NKAIN3: variants seen among roughly 807,000 people sequenced by gnomAD.
NKAIN3 encodes the protein sodium/potassium-transporting ATPase subunit beta-1-interacting protein 3.
A neutral mutation model predicts 30.2 loss-of-function variants in NKAIN3; 25 were observed. The observed-to-expected ratio is 0.83, with a 90% CI of 0.60 to 1.16. The LOEUF is 1.16. Among genes scored for constraint, NKAIN3 ranks in the 50% most tolerant of loss-of-function variants. The probability of loss-of-function intolerance (pLI) is 0.00; values close to 1 mark genes in which losing one functional copy is unlikely to be tolerated. For synonymous variants in NKAIN3, 91 were observed against 89.6 expected, an observed-to-expected ratio of 1.02 and a Z score of -0.09; for missense variants, 225 against 254.1, an observed-to-expected ratio of 0.89 and a Z score of 0.78.
Position 62,979,594 on chromosome 8 carries a change from A to G in NKAIN3, c.*14187A>G, listed in dbSNP as rs1824027942. On this transcript the variant is annotated 3_prime_UTR_variant, in exon 7 of 7. Coordinates refer to ENST00000623646, the MANE Select transcript of NKAIN3 (RefSeq NM_001304533.3). ...TCTAATACGATGTGGCATTTTCTCT[A>G]TACAGTACAGTTTTAGCATTGAAAA... 1 of 152,206 alleles carries G rather than the reference A, an allele frequency of 6.6e-6. No individual in the cohort carries two copies. The allele number at this position is 152,206 out of a possible 1,614,324, so 9.4% of individuals were successfully genotyped here. A position where few individuals can be genotyped will look rare whatever the true frequency, so the allele number is the denominator to read the frequency against.
chr8:62,488,076 T>C (rs968730233), intron 1 of NKAIN3, among the ~76,000 whole-genome samples: 4 of 152,238 alleles, frequency 2.6e-5, no homozygotes, highest in Middle Eastern at 3.2e-3. Context: ...AATTAGACAT[T>C]GCATCTTTAA....
intron 4 of NKAIN3, among the ~76,000 whole-genome samples, chr8:62,878,141 A>T (rs1199212350): frequency 6.6e-6 from 1 of 151,918 alleles, no homozygotes; most frequent in African/African-American, 2.4e-5. Flanking sequence ...CAATCTTCTC[A>T]TTTTCTTCAG....
At chr8:62,819,022 T>C (rs970838547) in intron 4 of NKAIN3, among the ~76,000 whole-genome samples, 7 of 151,552 alleles carry the variant, frequency 4.6e-5, no homozygotes, top group African/African-American at 1.7e-4. Flanking sequence ...TCAAAGAAAT[T>C]TGAAAACAAA....
chr8:62,454,211 T>C (rs1209363080), intron 1 of NKAIN3, among the ~76,000 whole-genome samples: 1 of 146,284 alleles, frequency 6.8e-6, no homozygotes, highest in East Asian at 2.0e-4. Flanking sequence ...ACCAAAAGGG[T>C]CCAATCTTTC....
At chr8:62,447,643 C>A (rs1805525557) in intron 1 of NKAIN3, among the ~76,000 whole-genome samples, 1 of 151,930 alleles carries the variant, frequency 6.6e-6, no homozygotes, top group South Asian at 2.1e-4. Context: ...TAGTTAATCA[C>A]TTCTAAAGGG....
chr8:62,796,800 A>ACACACACACACACACACG (rs1563565763), intron 4 of NKAIN3, among the ~76,000 whole-genome samples: 1 of 151,894 alleles, frequency 6.6e-6, no homozygotes. Context: ...ACACACACAC[A>ACACACACACACACACACG]CACACACACA....
At chr8:62,863,431 G>A in intron 4 of NKAIN3, 2 of 1,552,478 alleles carry the variant, frequency 1.3e-6, no homozygotes, top group East Asian at 2.4e-5. Context: ...AGTAATCTTG[G>A]TCTTACTGTG....
intron 5 of NKAIN3, chr8:62,991,098 GAGGTGAACAATGTTCAGGGA>G (rs1824309708): frequency 6.6e-6 from 1 of 152,280 alleles, no homozygotes; most frequent in East Asian, 1.9e-4. Flanking sequence ...AGATGGGAAA[GAGGTGAACAATGTTCAGGGA>G]ACTGAGAGGA....
At chr8:62,871,305 A>G (rs1379001981) in intron 4 of NKAIN3, among the ~76,000 whole-genome samples, 2 of 150,910 alleles carry the variant, frequency 1.3e-5, no homozygotes, top group African/African-American at 4.9e-5. Context: ...CAGGAGGCTG[A>G]GGCAGGAGAA....
chr8:62,419,683 C>T (rs972958658), intron 1 of NKAIN3, among the ~76,000 whole-genome samples: 3 of 152,150 alleles, frequency 2.0e-5, no homozygotes, highest in Non-Finnish European at 4.4e-5. Context: ...TTCATGGTTT[C>T]ATTATAGCAG....
At chr8:62,429,737 G>A (rs1368766751) in intron 1 of NKAIN3, among the ~76,000 whole-genome samples, 1 of 151,832 alleles carries the variant, frequency 6.6e-6, no homozygotes, top group Non-Finnish European at 1.5e-5. Context: ...TTTCACATCA[G>A]CACAGTTACT....
chr8:62,937,288 T>TG (rs1822813654), intron 5 of NKAIN3, among the ~76,000 whole-genome samples: 1 of 152,106 alleles, frequency 6.6e-6, no homozygotes, highest in Admixed American at 6.5e-5. Flanking sequence ...CTGAAAGAAT[T>TG]CGTAGAGCCT....
intron 1 of NKAIN3, among the ~76,000 whole-genome samples, chr8:62,499,153 G>A (rs1289107660): frequency 1.3e-5 from 2 of 152,132 alleles, no homozygotes; most frequent in East Asian, 1.9e-4. Context: ...AGGTAATAGC[G>A]GAAGAGGACT....
intron 4 of NKAIN3, chr8:62,856,479 C>T (rs1820063069): frequency 8.9e-6 from 7 of 784,958 alleles, no homozygotes; most frequent in African/African-American, 1.7e-5. Context: ...CAGGTTTCTT[C>T]AGGTGCTTCA....
chr8:62,712,213 C>T (rs904222734), intron 3 of NKAIN3, among the ~76,000 whole-genome samples: 1 of 152,110 alleles, frequency 6.6e-6, no homozygotes, highest in Non-Finnish European at 1.5e-5. Flanking sequence ...GTGCGGTTGG[C>T]CTCCTGCGAG....
chr8:62,932,913 C>T (rs1257523879), intron 5 of NKAIN3, among the ~76,000 whole-genome samples: 1 of 151,552 alleles, frequency 6.6e-6, no homozygotes, highest in Admixed American at 6.6e-5. Context: ...CATTTATAGG[C>T]ATCCAGTGGT....
rs541288881 is a variant in NKAIN3, at chr8:62,534,170, C to T, written c.55-45369C>T. 1.2e-4 allele frequency among the ~76,000 whole-genome samples: 18 copies of T among 152,272 alleles called. 1 individual carries two copies. In the East Asian group the frequency reaches 2.7e-3, roughly 23 times the overall value. ...GGGCATGAGATGAGAGCTCTGCCCCCGGCTAGGCTTGTTCCCATACGTATG... is the reference window on the plus strand; with the variant it reads ...GGGCATGAGATGAGAGCTCTGCCCCTGGCTAGGCTTGTTCCCATACGTATG... On this transcript the variant is annotated intron_variant, in intron 1 of 6. Transcript: ENST00000623646.
chr8:62,525,930 A>G (rs186986225), intron 1 of NKAIN3, among the ~76,000 whole-genome samples: 61 of 152,294 alleles, frequency 4.0e-4, no homozygotes, highest in African/African-American at 1.3e-3. Flanking sequence ...GATTCAGAGA[A>G]TTACAGAATA....
chr8:62,361,433 A>C (rs1020559799), intron 1 of NKAIN3, among the ~76,000 whole-genome samples: 3 of 152,240 alleles, frequency 2.0e-5, no homozygotes, highest in African/African-American at 7.2e-5. Context: ...GCTCAGCAAT[A>C]GTAGGAATTT....
Sources: allele counts gnomAD v4.1 joint callset (sites outside exome capture counted in the v4.1 genomes callset), GRCh38; gene constraint gnomAD v4.1.1; transcripts MANE v1.5; gene names NCBI Gene and HGNC (gene_info 2026-07-23, HGNC 2026-07-21).